BICRA: variants seen among roughly 807,000 people sequenced by gnomAD.
BICRA encodes the protein BRD4 interacting chromatin remodeling complex associated protein, also known as BRD4-interacting chromatin-remodeling complex-associated protein.
BICRA carries 31 observed loss-of-function variants against 96.9 expected under a neutral mutation model. The observed-to-expected ratio is 0.32, with a 90% CI of 0.24 to 0.43. The LOEUF (loss-of-function observed/expected upper bound fraction) is 0.43, where lower values mean the gene tolerates loss of function less well. Ranked by LOEUF, BICRA falls within the 20% of genes least tolerant of loss-of-function variation. BICRA has a pLI of 1.00. For missense variants in BICRA, 2,283 were observed against 2,190.3 expected, an observed-to-expected ratio of 1.04 and a Z score of -0.84; for synonymous variants, 1,350 against 1,071.8, an observed-to-expected ratio of 1.26 and a Z score of -5.07.
At chr19:47,634,472 C>T (rs1972268574) in intron 1 of BICRA, among the ~76,000 whole-genome samples, 1 of 152,142 alleles carries the variant, frequency 6.6e-6, no homozygotes, top group South Asian at 2.1e-4. Context: ...GTTTCACTCA[C>T]TTTCTCTCCC....
At chr19:47,687,423 A>G (rs916791248) in intron 7 of BICRA, among the ~76,000 whole-genome samples, 5 of 152,158 alleles carry the variant, frequency 3.3e-5, no homozygotes, top group African/African-American at 1.2e-4. Context: ...ATATGGACAT[A>G]CCATTATTTC....
At chr19:47,611,376 C>G (rs1464754584) in intron 1 of BICRA, among the ~76,000 whole-genome samples, 2 of 152,132 alleles carry the variant, frequency 1.3e-5, no homozygotes, top group Non-Finnish European at 2.9e-5. Context: ...GAATTGTCTG[C>G]AGGAACTGAG....
At chr19:47,679,172 A>T (rs558191512) in intron 5 of BICRA, 149 bp from the exon 6 acceptor site, 164 of 501,056 alleles carry the variant, frequency 3.3e-4, no homozygotes, top group South Asian at 8.1e-4. Context: ...AAGTGCTGAG[A>T]TTACAAGCGT....
intron 7 of BICRA, among the ~76,000 whole-genome samples, chr19:47,691,060 G>C (rs1383062466): frequency 6.6e-6 from 1 of 152,172 alleles, no homozygotes; most frequent in Non-Finnish European, 1.5e-5. Flanking sequence ...TTAGGAATCT[G>C]AAAGCAGCTT....
chr19:47,681,335 G>A, intron 6 of BICRA, 59 bp downstream of exon 6: 1 of 1,454,494 alleles, frequency 6.9e-7, no homozygotes, highest in Non-Finnish European at 9.3e-7. Context: ...GAGGAAGAGG[G>A]GTCCTGGGGC....
At chr19:47,630,483 AT>A (rs1972206734) in intron 1 of BICRA, among the ~76,000 whole-genome samples, 1 of 151,944 alleles carries the variant, frequency 6.6e-6, no homozygotes, top group Non-Finnish European at 1.5e-5. Flanking sequence ...ATATTGGCTA[AT>A]TCTAGGTACC....
Position 47,695,443 on chromosome 19 carries a change from C to T in BICRA, c.3155C>T (p.Ser1052Phe). ...ACCCTGAATGTGGCCAAGGCCGCTTCCTCCGGGCCAGGGAAGCCCTCCGGG... is the reference window on the plus strand; with the variant it reads ...ACCCTGAATGTGGCCAAGGCCGCTTTCTCCGGGCCAGGGAAGCCCTCCGGG... The part of the protein sequence containing the change: ...LPTLNVAKAA[S>F]SGPGKPSGLQ... Residue 1052 changes from serine (S) to phenylalanine (F), a missense_variant, in exon 10 of 15, where the codon TCC becomes TTC. Coordinates refer to ENST00000594866, the MANE Select transcript of BICRA (RefSeq NM_001394372.1). 2 of 1,593,526 alleles carry T rather than the reference C, an allele frequency of 1.3e-6. No individual in the cohort carries two copies. Among genetic ancestry groups the T allele is most frequent in the Non-Finnish European group, 1.7e-6 (2 of 1,168,820 alleles).
At chr19:47,619,327 G>A (rs188220565) in intron 1 of BICRA, among the ~76,000 whole-genome samples, 3 of 150,776 alleles carry the variant, frequency 2.0e-5, no homozygotes, top group East Asian at 3.9e-4. Flanking sequence ...GCACTATCTC[G>A]GCTCGTTGCA....
rs779521147 is a variant in BICRA at position 47,699,277 on chromosome 19, G to A, written c.3493-26G>A. ...CTTCCCCCTTCTTGCTGGTTCACTC[G>A]CACGTCGTCTTTTCCCCCACCCCAG... On this transcript the variant is annotated intron_variant, in intron 13 of 14. Transcript: ENST00000594866. The surrounding 1 kb of genome is among the most constrained non-coding windows in gnomAD (Gnocchi z 5.0). The A allele has an allele frequency of 4.4e-6, 6 of 1,350,390 alleles. No individual in the cohort carries two copies. Among genetic ancestry groups the A allele is most frequent in the Non-Finnish European group, 6.2e-6 (6 of 962,782 alleles). 83.7% of individuals were successfully genotyped at this position (1,350,390 alleles called of 1,614,324 possible). A position where few individuals can be genotyped will look rare whatever the true frequency, so the allele number is the denominator to read the frequency against.
At chr19:47,667,022 C>CTT (rs1045708307) in intron 1 of BICRA, among the ~76,000 whole-genome samples, 5 of 143,110 alleles carry the variant, frequency 3.5e-5, no homozygotes, top group Non-Finnish European at 6.2e-5. Context: ...TGTCTTTTTT[C>CTT]TTTTTTTTTT....
At chr19:47,690,031 C>A (rs569377971) in intron 7 of BICRA, among the ~76,000 whole-genome samples, 1 of 151,976 alleles carries the variant, frequency 6.6e-6, no homozygotes, top group South Asian at 2.1e-4. Flanking sequence ...GACAGAGTTT[C>A]GCTCTTTTTG....
chr19:47,698,724 C>A lies in BICRA; in HGVS notation c.3339C>A (p.Arg1113=). The change falls in exon 12 of 15, where the codon CGC becomes CGA. Residue 1113 remains arginine, a synonymous_variant. Coordinates refer to ENST00000594866, the MANE Select transcript of BICRA (RefSeq NM_001394372.1). This position sits in a 1 kb window ranked among gnomAD's most constrained non-coding sequence, Gnocchi z 4.8. ...CCTCCTTTGAGGACGCCCTGCATCG[C>A]CTCCTGCCCTACCATGTCTACCAGG... The part of the protein sequence containing the change: ...AFPSFEDALH[R]LLPYHVYQGA... 1 of 1,609,632 alleles carries A rather than the reference C, an allele frequency of 6.2e-7. No individual in the cohort carries two copies. Among genetic ancestry groups the A allele is most frequent in the Non-Finnish European group, 8.5e-7 (1 of 1,176,106 alleles).
intron 7 of BICRA, among the ~76,000 whole-genome samples, chr19:47,685,962 T>C (rs1413754284): frequency 6.6e-6 from 1 of 150,906 alleles, no homozygotes; most frequent in Non-Finnish European, 1.5e-5. Context: ...TTTTTTTTTT[T>C]CTCTGTCACC....
chr19:47,698,961 G>T lies in BICRA; in HGVS notation c.3398-4G>T. 3 of 1,573,262 alleles carry T rather than the reference G, an allele frequency of 1.9e-6. No homozygotes were observed. Among genetic ancestry groups the T allele is most frequent in the Non-Finnish European group, 2.6e-6 (3 of 1,158,642 alleles). On this transcript the variant is annotated splice_polypyrimidine_tract_variant and splice_region_variant and intron_variant, in intron 12 of 14. Transcript: ENST00000594866. The surrounding 1 kb of genome is among the most constrained non-coding windows in gnomAD (Gnocchi z 4.8). ...CGCCCTTGCCTCTCTTCCCTTCCTCGCAGTGGACGAGGAGTTTGAGACGGT... is the reference window on the plus strand; with the variant it reads ...CGCCCTTGCCTCTCTTCCCTTCCTCTCAGTGGACGAGGAGTTTGAGACGGT...
intron 1 of BICRA, among the ~76,000 whole-genome samples, chr19:47,642,862 T>C (rs1309984483): frequency 6.6e-6 from 1 of 152,262 alleles, no homozygotes; most frequent in African/African-American, 2.4e-5. Context: ...CTAACGGGTA[T>C]GTAGTAATAT....
Position 47,680,916 on chromosome 19 carries a change from C to T in BICRA, c.1746C>T (p.Val582=). ...CCGCCGGGCCGGCCGCCACCACTGT[C>T]CTCCAGGGGGTCACCCTGCCCCCCA... ...PAPAGPAATT[V]LQGVTLPPSA... Residue 582 remains valine, a synonymous_variant, in exon 6 of 15, where the codon GTC becomes GTT. Coordinates refer to ENST00000594866, the MANE Select transcript of BICRA (RefSeq NM_001394372.1). 1.3e-6 allele frequency: 2 copies of T among 1,483,282 alleles called. No homozygotes were observed. Among genetic ancestry groups the T allele is most frequent in the East Asian group, 2.6e-5 (1 of 38,090 alleles). 91.9% of individuals were successfully genotyped at this position (1,483,282 alleles called of 1,614,324 possible).
At chr19:47,631,909 A>G (rs1348026494) in intron 1 of BICRA, among the ~76,000 whole-genome samples, 1 of 152,180 alleles carries the variant, frequency 6.6e-6, no homozygotes, top group Non-Finnish European at 1.5e-5. Context: ...TCACCCTCCC[A>G]AAGTGCTGGG....
At chr19:47,638,548 G>C (rs932438096) in intron 1 of BICRA, among the ~76,000 whole-genome samples, 2 of 152,144 alleles carry the variant, frequency 1.3e-5, no homozygotes, top group African/African-American at 4.8e-5. Flanking sequence ...TCCTTTCAAA[G>C]AGATGTTCTG....
intron 1 of BICRA, among the ~76,000 whole-genome samples, chr19:47,657,647 C>T (rs774356306): frequency 2.6e-5 from 4 of 151,372 alleles, no homozygotes; most frequent in African/African-American, 4.8e-5. Context: ...CCGCCCACCT[C>T]GGCCTCCCAA....
Sources: gnomAD v4.1 joint callset for allele counts (sites outside exome capture counted in the v4.1 genomes callset) on GRCh38, gnomAD v4.1.1 for gene constraint, Gnocchi (gnomAD v3.1) non-coding constraint, MANE v1.5 for transcripts, NCBI Gene and HGNC (gene_info 2026-07-23, HGNC 2026-07-21) for gene names.